The following EYS variants were observed in gnomAD, a reference collection of about 807,000 sequenced individuals.
The protein encoded by EYS is EGF-like photoreceptor maintenance factor.
Under a neutral mutation model 282.1 loss-of-function variants are expected in EYS, and 250 were observed. The ratio of observed to expected loss-of-function variants is 0.89; its 90% CI spans 0.80 to 0.98. EYS has a LOEUF of 0.98. EYS is among the 50% of genes least tolerant of loss of function. EYS has a pLI of 0.00. For synonymous variants in EYS, 1,355 were observed against 1,282.9 expected (o/e 1.06, Z -1.20); for missense variants, 4,016 against 3,709.0 (o/e 1.08, Z -2.15).
chr6:64,717,605 C>T (rs1391485399), intron 22 of EYS, among the ~76,000 whole-genome samples: 4 of 152,174 alleles, frequency 2.6e-5, no homozygotes, highest in Non-Finnish European at 5.9e-5. Flanking sequence ...TCCTAACAGG[C>T]CACGAACTGG....
At chr6:65,033,715 G>T (rs1362641520) in intron 13 of EYS, among the ~76,000 whole-genome samples, 1 of 152,182 alleles carries the variant, frequency 6.6e-6, no homozygotes, top group Non-Finnish European at 1.5e-5. Flanking sequence ...GAAGCCTGTT[G>T]CAGGGGCAGA....
At chr6:63,891,457 A>G (rs1183841241) in intron 35 of EYS, among the ~76,000 whole-genome samples, 1 of 152,214 alleles carries the variant, frequency 6.6e-6, no homozygotes, top group African/African-American at 2.4e-5. Flanking sequence ...AACATAATCC[A>G]TCACATAAAC....
intron 12 of EYS, among the ~76,000 whole-genome samples, chr6:65,127,117 A>G (rs1347479963): frequency 6.6e-6 from 1 of 152,156 alleles, no homozygotes; most frequent in African/African-American, 2.4e-5. Flanking sequence ...GAATCATCAA[A>G]ATATAACTAG....
intron 12 of EYS, among the ~76,000 whole-genome samples, chr6:65,082,697 A>C (rs142599442): frequency 1.1e-3 from 166 of 152,222 alleles, no homozygotes; most frequent in African/African-American, 3.7e-3. Context: ...TGAAGGATAT[A>C]TGTAATAAAC....
At chr6:65,673,806 C>T (rs909897570) in intron 1 of EYS, among the ~76,000 whole-genome samples, 6 of 151,918 alleles carry the variant, frequency 3.9e-5, no homozygotes, top group Admixed American at 6.6e-5. Flanking sequence ...GATATAACCG[C>T]GGTGGCCTTT....
intron 31 of EYS, among the ~76,000 whole-genome samples, chr6:64,226,959 A>C (rs995764015): frequency 3.9e-4 from 60 of 152,098 alleles, no homozygotes; most frequent in African/African-American, 1.3e-3. Context: ...AAAGTTGTTA[A>C]AATAAAATAT....
At chr6:65,206,363 C>T (rs925677568) in intron 12 of EYS, among the ~76,000 whole-genome samples, 4 of 150,978 alleles carry the variant, frequency 2.6e-5, no homozygotes, top group East Asian at 1.9e-4. Flanking sequence ...CCTGAACAGA[C>T]CAATAATGAG....
intron 32 of EYS, among the ~76,000 whole-genome samples, chr6:64,070,827 C>T (rs757372870): frequency 2.0e-5 from 3 of 151,980 alleles, no homozygotes; most frequent in Non-Finnish European, 4.4e-5. Context: ...AATACAATGA[C>T]CGCTAGTACG....
At chr6:65,091,976 C>T (rs749855476) in intron 12 of EYS, among the ~76,000 whole-genome samples, 3 of 152,060 alleles carry the variant, frequency 2.0e-5, no homozygotes, top group African/African-American at 4.8e-5. Context: ...TGACTTCCCT[C>T]GGACCCCAGC....
chr6:65,010,018 A>T (rs1771815774), intron 13 of EYS, among the ~76,000 whole-genome samples: 1 of 152,230 alleles, frequency 6.6e-6, no homozygotes, highest in South Asian at 2.1e-4. Context: ...CCCATTTAGT[A>T]AGATGGACAC....
chr6:65,676,719 T>C (rs1768614412), intron 1 of EYS, among the ~76,000 whole-genome samples: 1 of 151,826 alleles, frequency 6.6e-6, no homozygotes, highest in African/African-American at 2.4e-5. Flanking sequence ...AGGCCAGCCT[T>C]ATTCTGAGAT....
intron 12 of EYS, among the ~76,000 whole-genome samples, chr6:65,123,754 C>CACACACACA (rs1554157066): frequency 3.5e-5 from 3 of 86,912 alleles, no homozygotes; most frequent in Admixed American, 1.1e-4. Flanking sequence ...TAACACCCAC[C>CACACACACA]CACCCACACA....
Position 64,608,879 on chromosome 6 carries a change from C to A in EYS, c.3684+8539G>T, listed in dbSNP as rs562943439. 9.9e-5 allele frequency among the ~76,000 whole-genome samples: 15 copies of A among 152,214 alleles called. No homozygotes were observed. In the East Asian group the frequency reaches 2.7e-3, roughly 27 times the overall value. Reference sequence around the variant, plus strand: ...AAAACTATGAAGACCCTGAAAAGATCAATGATTGCCAGAGATGGAGGGGAC... The same window carrying A: ...AAAACTATGAAGACCCTGAAAAGATAAATGATTGCCAGAGATGGAGGGGAC... On this transcript the variant is annotated intron_variant, in intron 24 of 42. Transcript: ENST00000503581.
intron 31 of EYS, among the ~76,000 whole-genome samples, chr6:64,150,794 G>A (rs918691636): frequency 4.6e-5 from 7 of 152,152 alleles, no homozygotes; most frequent in African/African-American, 7.2e-5. Context: ...CCAGGAGTTT[G>A]AGACCCTCTC....
intron 19 of EYS, among the ~76,000 whole-genome samples, chr6:64,835,558 T>A (rs1765357413): frequency 2.6e-5 from 4 of 151,720 alleles, no homozygotes; most frequent in Non-Finnish European, 3.0e-5. Context: ...CTGAATCTTA[T>A]GTACTAGGTA....
In EYS at chr6:64,748,454, G is replaced by T. The variant is rs557067717; in HGVS notation, c.3443+64924C>A. On this transcript the variant is annotated intron_variant, in intron 22 of 42. Coordinates refer to ENST00000503581, the MANE Select transcript of EYS (RefSeq NM_001142800.2). Reference sequence around the variant, plus strand: ...TCTCTTGCGTGCACAGTTCACAATAGGGTTTGCACTCCTGTGAGAATCTAA... The same window carrying T: ...TCTCTTGCGTGCACAGTTCACAATATGGTTTGCACTCCTGTGAGAATCTAA... 1.9e-4 allele frequency among the ~76,000 whole-genome samples: 29 copies of T among 152,322 alleles called. No individual in the cohort carries two copies. The Middle Eastern group carries it at 0.014, about 71-fold the overall frequency.
rs982701381 is a variant in EYS, at chr6:65,031,539, C to T, written c.2137+26075G>A. Among the ~76,000 whole-genome samples the T allele has an allele frequency of 5.9e-5, 9 of 151,964 alleles. 1 individual carries two copies. The highest frequency in any genetic ancestry group is 1.9e-4 in the African/African-American group (8 of 41,390). On this transcript the variant is annotated intron_variant, in intron 13 of 42. Transcript: ENST00000503581. The stretch of plus-strand genomic sequence containing the variant: ...AATCATACCAACCATGCTCTTGGAC[C>T]ACAGTGCAATAAAAATAAAAATTAA...
intron 12 of EYS, among the ~76,000 whole-genome samples, chr6:65,134,728 T>G (rs1398821480): frequency 1.3e-5 from 2 of 151,984 alleles, no homozygotes; most frequent in African/African-American, 2.4e-5. Context: ...CAAACCTGTA[T>G]GTGTGCCCCT....
intron 7 of EYS, among the ~76,000 whole-genome samples, chr6:65,389,964 T>A (rs1007695331): frequency 6.6e-6 from 1 of 152,086 alleles, no homozygotes; most frequent in African/African-American, 2.4e-5. Context: ...AATGTCAATG[T>A]AGTCATATAA....
Sources: gnomAD v4.1 joint callset for allele counts (sites outside exome capture counted in the v4.1 genomes callset) on GRCh38, gnomAD v4.1.1 for gene constraint, MANE v1.5 for transcripts, NCBI Gene and HGNC (gene_info 2026-07-23, HGNC 2026-07-21) for gene names.